KDM4A: variants seen among roughly 807,000 people sequenced by gnomAD.
The protein encoded by KDM4A is lysine-specific demethylase 4A.
KDM4A carries 23 observed loss-of-function variants against 127.1 expected under a neutral mutation model. That is an observed-to-expected ratio of 0.18 (90% CI 0.13 to 0.26). The LOEUF is 0.26. Ranked by LOEUF, KDM4A falls within the 10% of genes least tolerant of loss-of-function variation. The pLI is 1.00. For synonymous variants in KDM4A, 443 were observed against 466.5 expected, an observed-to-expected ratio of 0.95 and a Z score of 0.65; for missense variants, 890 against 1,329.1, an observed-to-expected ratio of 0.67 and a Z score of 5.14.
At chr1:43,696,804 G>A (rs1418773043) in intron 18 of KDM4A, among the ~76,000 whole-genome samples, 2 of 152,224 alleles carry the variant, frequency 1.3e-5, no homozygotes, top group East Asian at 1.9e-4. Context: ...AAATTGGGGG[G>A]ACTGATGAGT....
At chr1:43,656,736 T>C (rs1475175707) in intron 3 of KDM4A, among the ~76,000 whole-genome samples, 4 of 151,746 alleles carry the variant, frequency 2.6e-5, no homozygotes, top group African/African-American at 9.7e-5. Flanking sequence ...TCCATCTTTT[T>C]TTTTTTTTGA....
At chr1:43,676,088 T>TA (rs533210766) in intron 11 of KDM4A, among the ~76,000 whole-genome samples, 39,504 of 91,178 alleles carry the variant, frequency 0.43, 6,087 homozygotes, top group East Asian at 0.57. Context: ...CTCAAAAAGA[T>TA]AAAAAAAAAA....
intron 11 of KDM4A, among the ~76,000 whole-genome samples, chr1:43,674,302 T>G (rs1309873922): frequency 6.6e-6 from 1 of 152,196 alleles, no homozygotes; most frequent in Non-Finnish European, 1.5e-5. Flanking sequence ...TACTGCTTAA[T>G]TAATCTTATT....
At chr1:43,676,615 G>A (rs963922282) in intron 11 of KDM4A, among the ~76,000 whole-genome samples, 7 of 152,076 alleles carry the variant, frequency 4.6e-5, no homozygotes, top group East Asian at 1.9e-4. Flanking sequence ...CACCATTCTC[G>A]GCCAAACCCA....
At position 43,690,910 on chromosome 1, in the gene KDM4A, G is replaced by A; in HGVS notation, c.2103G>A (p.Arg701=). The change falls in exon 14 of 22, where the codon AGG becomes AGA. Residue 701 remains arginine (R), a synonymous_variant. Transcript: ENST00000372396. ...NASDLAPQKQ[R]TKPLIPEMCF... Reference sequence around the variant, plus strand: ...CAGATTTAGCCCCCCAGAAGCAGAGGACCAAGCCATTGATTCCAGAAATGT... The same window carrying A: ...CAGATTTAGCCCCCCAGAAGCAGAGAACCAAGCCATTGATTCCAGAAATGT... 6.2e-7 allele frequency: 1 copy of A among 1,614,222 alleles called. No homozygotes were observed. Among genetic ancestry groups the A allele is most frequent in the Non-Finnish European group, 8.5e-7 (1 of 1,180,040 alleles).
chr1:43,680,502 A>G (rs1660833058), intron 11 of KDM4A, among the ~76,000 whole-genome samples: 3 of 152,302 alleles, frequency 2.0e-5, no homozygotes, highest in South Asian at 4.1e-4. Flanking sequence ...TACCACAAAC[A>G]CAGAGGCTGA....
Position 43,704,483 on chromosome 1 carries a change from A to G in KDM4A, c.*113A>G. The G allele has an allele frequency of 1.7e-6, 2 of 1,164,922 alleles. No homozygotes were observed. Among genetic ancestry groups the G allele is most frequent in the Non-Finnish European group, 1.2e-6 (1 of 815,864 alleles). The allele number at this position is 1,164,922 out of a possible 1,614,324, so 72.2% of individuals were successfully genotyped here. On this transcript the variant is annotated 3_prime_UTR_variant, in exon 22 of 22. Transcript: ENST00000372396. ...CTGAAAGTGAAGTTGTAAAAAGAAAAGGAATGAAATAACCGACCCATCATC... is the reference window on the plus strand; with the variant it reads ...CTGAAAGTGAAGTTGTAAAAAGAAAGGGAATGAAATAACCGACCCATCATC...
rs1218337633 is a variant in KDM4A at position 43,650,229 on chromosome 1, C to T, written c.-63C>T. On this transcript the variant is annotated 5_prime_UTR_variant, in exon 1 of 22. Transcript: ENST00000372396. The stretch of plus-strand genomic sequence containing the variant: ...GGCGACAGCAGGAGCTGAGCCTAAG[C>T]CCTGGCGGGGCTTTGGGCTGTAGGT... 6.6e-6 allele frequency: 1 copy of T among 152,206 alleles called. No homozygotes were observed. Among genetic ancestry groups the T allele is most frequent in the Admixed American group, 6.5e-5 (1 of 15,278 alleles). 9.4% of individuals were successfully genotyped at this position (152,206 alleles called of 1,614,324 possible). A position where few individuals can be genotyped will look rare whatever the true frequency, so the allele number is the denominator to read the frequency against.
intron 19 of KDM4A, among the ~76,000 whole-genome samples, chr1:43,698,590 C>G (rs930487011): frequency 2.0e-5 from 3 of 152,112 alleles, no homozygotes; most frequent in Non-Finnish European, 4.4e-5. Context: ...CCCCTACCCC[C>G]ACCTTGCCTT....
chr1:43,703,241 CA>C (rs887347050), intron 19 of KDM4A, among the ~76,000 whole-genome samples: 2 of 150,692 alleles, frequency 1.3e-5, no homozygotes, highest in Admixed American at 6.6e-5. Flanking sequence ...CGTGCCTGGC[CA>C]AAAAAAACAC....
At chr1:43,691,879 A>G (rs1220719189) in intron 15 of KDM4A, among the ~76,000 whole-genome samples, 1 of 152,214 alleles carries the variant, frequency 6.6e-6, no homozygotes, top group East Asian at 1.9e-4. Context: ...AGGGGCTCAG[A>G]TGATTCATTG....
At chr1:43,670,017 T>C (rs941007348) in intron 10 of KDM4A, among the ~76,000 whole-genome samples, 1 of 152,050 alleles carries the variant, frequency 6.6e-6, no homozygotes, top group East Asian at 1.9e-4. Flanking sequence ...TTTCCCTCAA[T>C]TGAATATTAG....
In KDM4A at chr1:43,665,683, C is replaced by T. The variant is rs757309292; in HGVS notation, c.624-13C>T. 1.7e-5 allele frequency: 28 copies of T among 1,613,726 alleles called. No homozygotes were observed. The highest frequency in any genetic ancestry group is 2.3e-5 in the Non-Finnish European group (27 of 1,179,824). On this transcript the variant is annotated splice_polypyrimidine_tract_variant and intron_variant, in intron 5 of 21. Transcript: ENST00000372396. Reference sequence around the variant, plus strand: ...CCCTCCACCCAGCCTCTGATGCTCTCATGTGATTGCAGGTACTCTGTTCCA... The same window carrying T: ...CCCTCCACCCAGCCTCTGATGCTCTTATGTGATTGCAGGTACTCTGTTCCA...
At chr1:43,671,435 C>CTTTCATG in intron 10 of KDM4A, 70 bp from the exon 11 acceptor site, 1 of 1,471,960 alleles carries the variant, frequency 6.8e-7, no homozygotes. Flanking sequence ...TGTGCTTTGC[C>CTTTCATG]CTCTGCCTTT....
At chr1:43,670,754 G>A (rs1199828383) in intron 10 of KDM4A, among the ~76,000 whole-genome samples, 1 of 151,924 alleles carries the variant, frequency 6.6e-6, no homozygotes, top group African/African-American at 2.4e-5. Context: ...GTAGAGACGG[G>A]GTTTCACTCT....
At position 43,692,262 on chromosome 1, in the gene KDM4A, T is replaced by C. The variant is rs765282194; in HGVS notation, c.2326T>C (p.Cys776Arg). 6.2e-7 allele frequency: 1 copy of C among 1,614,226 alleles called. No individual in the cohort carries two copies. The highest frequency in any genetic ancestry group is 1.7e-4 in the Middle Eastern group (1 of 6,054). Reference protein sequence around the residue: ...CSANALEEDCCLCSLRGGALQ... With the variant: ...CSANALEEDCRLCSLRGGALQ... The stretch of plus-strand genomic sequence containing the variant: ...CCCTCTCCTTTCTTGGCAGGACTGC[T>C]GTTTATGCTCATTACGAGGAGGGGC... The change falls in exon 16 of 22, where the codon TGT (cysteine) becomes CGT (arginine). Residue 776 changes from cysteine (C) to arginine (R), a missense_variant. This residue lies in a region of KDM4A where 246 missense variants were observed against 418.4 expected (regional missense o/e 0.59). Coordinates refer to ENST00000372396, the MANE Select transcript of KDM4A (RefSeq NM_014663.3).
At chr1:43,702,589 TG>T (rs1260509847) in intron 19 of KDM4A, 1 of 152,176 alleles carries the variant, frequency 6.6e-6, no homozygotes, top group Non-Finnish European at 1.5e-5. Flanking sequence ...GCCAATATGC[TG>T]AATGAAATAT....
chr1:43,684,321 G>A (rs1289772613), intron 12 of KDM4A, among the ~76,000 whole-genome samples: 1 of 152,112 alleles, frequency 6.6e-6, no homozygotes, highest in Non-Finnish European at 1.5e-5. Context: ...TGGCTAACAC[G>A]TGAAACCCCA....
At chr1:43,670,255 T>C (rs2154047310) in intron 10 of KDM4A, among the ~76,000 whole-genome samples, 1 of 152,308 alleles carries the variant, frequency 6.6e-6, no homozygotes, top group East Asian at 1.9e-4. Context: ...CCCAAAGATG[T>C]GGTCTGCCGA....
Sources: gnomAD v4.1 joint callset for allele counts (sites outside exome capture counted in the v4.1 genomes callset) on GRCh38, gnomAD v4.1.1 for gene constraint, gnomAD v4.1.1 regional missense constraint, MANE v1.5 for transcripts, NCBI Gene and HGNC (gene_info 2026-07-23, HGNC 2026-07-21) for gene names.